TSPAN11: variants seen among roughly 807,000 people sequenced by gnomAD.
The protein encoded by TSPAN11 is tetraspanin-11.
In TSPAN11, 29 loss-of-function variants were observed where a neutral mutation model predicts 32.9. The ratio of observed to expected loss-of-function variants is 0.88; its 90% confidence interval spans 0.66 to 1.20. The LOEUF (loss-of-function observed/expected upper bound fraction) is 1.20, where lower values mean the gene tolerates loss of function less well. Among genes scored for constraint, TSPAN11 ranks in the 50% most tolerant of loss-of-function variants. The probability of loss-of-function intolerance (pLI) is 0.00; values close to 1 mark genes in which losing one functional copy is unlikely to be tolerated. For synonymous variants in TSPAN11, 140 were observed against 141.3 expected (o/e 0.99, Z 0.07); for missense variants, 283 against 329.1 (o/e 0.86, Z 1.08).
chr12:30,982,562 G>T lies in TSPAN11; in HGVS notation c.487G>T (p.Asp163Tyr). The T allele has an allele frequency of 6.2e-7, 1 of 1,611,694 alleles. No homozygotes were observed. The highest frequency in any genetic ancestry group is 1.1e-5 in the South Asian group (1 of 91,004). ...FKCCGSNSSADWQHSTYILLR... is the reference protein window; with the variant it reads ...FKCCGSNSSAYWQHSTYILLR... ...GTGCTGTGGAAGCAACAGCTCAGCC[G>T]ACTGGCAGCACAGCACGTACATCCT... The change falls in exon 6 of 8, where the codon GAC (aspartate) becomes TAC (tyrosine). Residue 163 changes from aspartate to tyrosine, a missense_variant. Asp to Tyr is a radical substitution (Grantham distance 160, BLOSUM62 -3). Transcript: ENST00000546076.
chr12:30,965,884 G>A (rs1192384671), intron 3 of TSPAN11, among the ~76,000 whole-genome samples: 2 of 152,124 alleles, frequency 1.3e-5, no homozygotes, highest in African/African-American at 4.8e-5. Flanking sequence ...GGACAAGAGA[G>A]TTTACCAGAC....
At chr12:30,954,924 A>G (rs1938450633) in intron 2 of TSPAN11, 1 of 152,206 alleles carries the variant, frequency 6.6e-6, no homozygotes, top group South Asian at 2.1e-4. Flanking sequence ...ATACCACCAA[A>G]TCAACCCATG....
At chr12:30,985,631 G>A (rs1939186953) in intron 7 of TSPAN11, among the ~76,000 whole-genome samples, 1 of 152,124 alleles carries the variant, frequency 6.6e-6, no homozygotes, top group Non-Finnish European at 1.5e-5. Flanking sequence ...GTGTTGAGGG[G>A]GCCTGCTCTG....
rs1456009920 is a variant in TSPAN11, at chr12:30,957,865, C to T, written c.84+3790C>T. 1.4e-4 allele frequency among the ~76,000 whole-genome samples: 16 copies of T among 110,488 alleles called. 1 individual carries two copies. Among genetic ancestry groups the T allele is most frequent in the African/African-American group, 3.7e-4 (11 of 29,404 alleles). 72.5% of individuals were successfully genotyped at this position (110,488 alleles called of 152,430 possible). ...CTTCCTTCCTTCCTTCCTTCCTTCC[C>T]TCCCTCCCTCCCTCCTTCCTTCCTT... On this transcript the variant is annotated intron_variant, in intron 2 of 7. Transcript: ENST00000546076.
chr12:30,945,283 A>G (rs892107937), intron 1 of TSPAN11, among the ~76,000 whole-genome samples: 5 of 152,034 alleles, frequency 3.3e-5, no homozygotes, highest in African/African-American at 1.2e-4. Context: ...AGTGTCTGGA[A>G]GTTGTTTATA....
At chr12:31,005,865 A>G in the TSPAN11 span, 47 of 179,828 alleles carry the variant, frequency 2.6e-4, 1 homozygote, top group Admixed American at 1.3e-3. Context: ...GACACATGGA[A>G]GGACCTTCTA....
the TSPAN11 span, among the ~76,000 whole-genome samples, chr12:31,012,095 G>A: frequency 3.3e-5 from 5 of 152,224 alleles, no homozygotes; most frequent in East Asian, 3.9e-4. Context: ...CGAAGCTGGC[G>A]GGACAGACAG....
At chr12:30,941,223 A>G (rs779733513) in intron 1 of TSPAN11, among the ~76,000 whole-genome samples, 2 of 152,250 alleles carry the variant, frequency 1.3e-5, no homozygotes, top group African/African-American at 4.8e-5. Context: ...GACTTTTCAC[A>G]TGCAAGGGTT....
intron 6 of TSPAN11, 65 bp from the exon 7 acceptor site, chr12:30,982,999 C>A: frequency 1.3e-6 from 2 of 1,520,958 alleles, no homozygotes; most frequent in Admixed American, 1.9e-5. Context: ...AGTGACAGCC[C>A]GCCCTCCGTC....
At chr12:30,929,972 T>C (rs1379772226) in intron 1 of TSPAN11, among the ~76,000 whole-genome samples, 2 of 152,162 alleles carry the variant, frequency 1.3e-5, no homozygotes, top group African/African-American at 4.8e-5. Context: ...GTGCCCATGA[T>C]AGAGGAGGTG....
downstream of TSPAN11, among the ~76,000 whole-genome samples, chr12:30,999,464 G>A (rs536135717): frequency 6.6e-6 from 1 of 152,122 alleles, no homozygotes; most frequent in African/African-American, 2.4e-5. Context: ...TACCTTAAAC[G>A]TGCTCAGAAC....
rs181166022 is a variant in TSPAN11 at position 30,941,111 on chromosome 12, G to T, written c.-11-12870G>T. On this transcript the variant is annotated intron_variant, in intron 1 of 7. Transcript: ENST00000546076. ...TACAGTTGATCCTTGAACAGCATGTGTTTAAACTGTGTATGTCCACCTATA... is the reference window on the plus strand; with the variant it reads ...TACAGTTGATCCTTGAACAGCATGTTTTTAAACTGTGTATGTCCACCTATA... Among the ~76,000 whole-genome samples the T allele has an allele frequency of 3.9e-4, 59 of 152,324 alleles. No homozygotes were observed. The East Asian group carries it at 0.01, about 27-fold the overall frequency.
rs536233897 is a variant in TSPAN11 at position 30,969,905 on chromosome 12, G to A, written c.276+5888G>A. Among the ~76,000 whole-genome samples, 8 of 152,272 alleles carry A rather than the reference G, an allele frequency of 5.3e-5. No homozygotes were observed. In the East Asian group the frequency reaches 9.7e-4, roughly 18 times the overall value. ...TGTATTAAAAGGCAAAGGACCATGCGGGCAGTTTAAATTTGTATTGGATTT... is the reference window on the plus strand; with the variant it reads ...TGTATTAAAAGGCAAAGGACCATGCAGGCAGTTTAAATTTGTATTGGATTT... On this transcript the variant is annotated intron_variant, in intron 3 of 7. Coordinates refer to ENST00000546076, the MANE Select transcript of TSPAN11 (RefSeq NM_001370302.1).
the TSPAN11 span, among the ~76,000 whole-genome samples, chr12:31,004,340 G>A: frequency 0.032 from 4,892 of 152,192 alleles, 154 homozygotes; most frequent in East Asian, 0.17. Context: ...GGTAGTCTAG[G>A]GCCAGTCTGA....
chr12:30,957,237 C>CG (rs1258301451), intron 2 of TSPAN11, among the ~76,000 whole-genome samples: 1 of 147,184 alleles, frequency 6.8e-6, no homozygotes, highest in Non-Finnish European at 1.5e-5. Context: ...GACCCCCCCC[C>CG]CCCCCACACC....
At chr12:30,986,111 C>T (rs1433776007) in intron 7 of TSPAN11, among the ~76,000 whole-genome samples, 2 of 152,126 alleles carry the variant, frequency 1.3e-5, no homozygotes, top group African/African-American at 4.8e-5. Context: ...TCATAGTTTA[C>T]CTCCTAGAGA....
At chr12:30,999,652 A>G (rs1385181584), downstream of TSPAN11, among the ~76,000 whole-genome samples, 1 of 152,138 alleles carries the variant, frequency 6.6e-6, no homozygotes, top group Non-Finnish European at 1.5e-5. Flanking sequence ...TCACACCATC[A>G]TAAAGTTGAA....
chr12:30,936,945 T>C (rs554039257), intron 1 of TSPAN11, among the ~76,000 whole-genome samples: 3 of 152,156 alleles, frequency 2.0e-5, no homozygotes, highest in Non-Finnish European at 4.4e-5. Context: ...GACGAGTCGA[T>C]GAGGCCAAGG....
intron 7 of TSPAN11, among the ~76,000 whole-genome samples, chr12:30,987,213 G>A (rs1166405714): frequency 1.3e-5 from 2 of 152,216 alleles, no homozygotes; most frequent in East Asian, 1.9e-4. Flanking sequence ...AAATCATGGA[G>A]AGAGTCAGGG....
Sources: gnomAD v4.1 joint callset for allele counts (sites outside exome capture counted in the v4.1 genomes callset) on GRCh38, gnomAD v4.1.1 for gene constraint, MANE v1.5 for transcripts, NCBI Gene and HGNC (gene_info 2026-07-23, HGNC 2026-07-21) for gene names.